Variants in DLC1 observed in about 807,000 individuals in gnomAD.
DLC1 encodes rho GTPase-activating protein 7.
Under a neutral mutation model 140.3 loss-of-function variants are expected in DLC1, and 54 were observed. The observed-to-expected ratio is 0.38, with a 90% CI of 0.31 to 0.48. The LOEUF is 0.48. Ranked by LOEUF, DLC1 falls within the 20% of genes least tolerant of loss-of-function variation. The probability of loss-of-function intolerance (pLI) is 0.96; values close to 1 mark genes in which losing one functional copy is unlikely to be tolerated. For synonymous variants in DLC1, 986 were observed against 728.1 expected (o/e 1.35, Z -5.70); for missense variants, 2,536 against 1,907.0 (o/e 1.33, Z -6.14).
At chr8:13,392,106 C>T (rs974250398) in intron 4 of DLC1, among the ~76,000 whole-genome samples, 2 of 152,168 alleles carry the variant, frequency 1.3e-5, no homozygotes, top group African/African-American at 4.8e-5. Flanking sequence ...CCTGTTGGCA[C>T]ACATTACTGT....
At chr8:13,410,565 A>G (rs1208298968) in intron 2 of DLC1, among the ~76,000 whole-genome samples, 1 of 152,170 alleles carries the variant, frequency 6.6e-6, no homozygotes, top group Non-Finnish European at 1.5e-5. Flanking sequence ...AAAATGGAAT[A>G]GGAGGAAAAA....
At chr8:13,317,860 C>A (rs58498775) in intron 4 of DLC1, among the ~76,000 whole-genome samples, 2,894 of 152,072 alleles carry the variant, frequency 0.019, 112 homozygotes, top group African/African-American at 0.065. Flanking sequence ...TCAAAGTGGC[C>A]AGTATTTTGT....
chr8:13,268,357 C>A (rs1000032530), intron 5 of DLC1, among the ~76,000 whole-genome samples: 2 of 152,128 alleles, frequency 1.3e-5, no homozygotes, highest in Non-Finnish European at 2.9e-5. Flanking sequence ...TACTGTTGTC[C>A]AGGTTGGAGT....
chr8:13,539,982 AG>A (rs1434111013), intron 1 of DLC1, among the ~76,000 whole-genome samples: 1 of 152,240 alleles, frequency 6.6e-6, no homozygotes, highest in Non-Finnish European at 1.5e-5. Context: ...ATTGACACAC[AG>A]GCATATTTTA....
At chr8:13,227,100 C>T (rs1368389379) in intron 5 of DLC1, among the ~76,000 whole-genome samples, 1 of 152,132 alleles carries the variant, frequency 6.6e-6, no homozygotes, top group Non-Finnish European at 1.5e-5. Context: ...CTTGCCCAGG[C>T]TGGTCTCGAG....
chr8:13,214,763 C>T (rs746964722), intron 5 of DLC1: 1 of 780,724 alleles, frequency 1.3e-6, no homozygotes, highest in Non-Finnish European at 2.4e-6. Flanking sequence ...TCCAACTTTA[C>T]TGATTTTACC....
At chr8:13,555,114 C>T (rs1045287880) in intron 1 of DLC1, among the ~76,000 whole-genome samples, 1 of 152,194 alleles carries the variant, frequency 6.6e-6, no homozygotes, top group Admixed American at 6.5e-5. Flanking sequence ...CCTTTACTTC[C>T]TTCACTCCTT....
chr8:13,196,152 A>G (rs1030686145), intron 5 of DLC1, among the ~76,000 whole-genome samples: 4 of 151,870 alleles, frequency 2.6e-5, no homozygotes, highest in Non-Finnish European at 4.4e-5. Context: ...AAATATCAAC[A>G]CATGAGAGTG....
intron 5 of DLC1, among the ~76,000 whole-genome samples, chr8:13,144,191 G>A (rs921213917): frequency 3.9e-5 from 6 of 152,212 alleles, no homozygotes; most frequent in African/African-American, 9.6e-5. Flanking sequence ...ACACAAGACA[G>A]AGGAAAGCAA....
intron 4 of DLC1, among the ~76,000 whole-genome samples, chr8:13,320,263 A>G (rs1406922913): frequency 1.3e-5 from 2 of 152,178 alleles, no homozygotes; most frequent in Non-Finnish European, 2.9e-5. Context: ...TCTTGCTAAT[A>G]TCCATTTGGG....
intron 5 of DLC1, among the ~76,000 whole-genome samples, chr8:13,260,751 A>T (rs1394953689): frequency 1.3e-5 from 2 of 152,172 alleles, no homozygotes; most frequent in Non-Finnish European, 2.9e-5. Flanking sequence ...AAAGAACATA[A>T]TTTAGAGATA....
chr8:13,251,997 T>C (rs1483248264), intron 5 of DLC1, among the ~76,000 whole-genome samples: 2 of 152,220 alleles, frequency 1.3e-5, no homozygotes, highest in African/African-American at 4.8e-5. Flanking sequence ...TTAGTGATAT[T>C]CTTTTAGACA....
chr8:13,155,893 A>G, intron 5 of DLC1, among the ~76,000 whole-genome samples: 1 of 152,336 alleles, frequency 6.6e-6, no homozygotes, highest in African/African-American at 2.4e-5. Flanking sequence ...TTTATTTTAT[A>G]AGAGTGAAAT....
At chr8:13,134,886 C>T (rs961737479) in intron 5 of DLC1, among the ~76,000 whole-genome samples, 4 of 152,162 alleles carry the variant, frequency 2.6e-5, no homozygotes, top group African/African-American at 7.2e-5. Flanking sequence ...GGGACTCCTC[C>T]GTTCAACAGA....
intron 5 of DLC1, among the ~76,000 whole-genome samples, chr8:13,245,499 C>A (rs1280871141): frequency 3.9e-5 from 6 of 152,040 alleles, no homozygotes; most frequent in African/African-American, 1.4e-4. Context: ...GCTCATTAAC[C>A]CTTTATTGGC....
intron 1 of DLC1, among the ~76,000 whole-genome samples, chr8:13,508,437 A>G (rs1327127455): frequency 1.1e-4 from 4 of 37,674 alleles, no homozygotes; most frequent in African/African-American, 2.5e-4. Context: ...TTTTTTTTTG[A>G]GACGGAGTCT....
intron 2 of DLC1, among the ~76,000 whole-genome samples, chr8:13,416,608 G>C (rs1043976769): frequency 1.3e-5 from 2 of 152,084 alleles, no homozygotes; most frequent in African/African-American, 4.8e-5. Context: ...AAATAAAACA[G>C]ACCAAAATAG....
intron 2 of DLC1, among the ~76,000 whole-genome samples, chr8:13,451,405 G>A (rs533619200): frequency 9.2e-5 from 14 of 152,030 alleles, no homozygotes; most frequent in Non-Finnish European, 2.1e-4. Flanking sequence ...ATTTTAAAAT[G>A]TACAATTAAA....
Position 13,224,682 on chromosome 8 carries a change from C to T in DLC1, c.1348+80587G>A, listed in dbSNP as rs184416784. Among the ~76,000 whole-genome samples the T allele has an allele frequency of 3.6e-3, 555 of 152,244 alleles. 2 individuals carry two copies. The highest frequency in any genetic ancestry group is 0.012 in the African/African-American group (519 of 41,540). On this transcript the variant is annotated intron_variant, in intron 5 of 17. Coordinates refer to ENST00000276297, the MANE Select transcript of DLC1 (RefSeq NM_182643.3). The stretch of plus-strand genomic sequence containing the variant: ...ACTTCCTTCCTTGAGGAGCTACTTC[C>T]TTCTAAACAATACTTCCCCTCTCCT...
Sources: gnomAD v4.1 joint callset for allele counts (sites outside exome capture counted in the v4.1 genomes callset) on GRCh38, gnomAD v4.1.1 for gene constraint, MANE v1.5 for transcripts, NCBI Gene and HGNC (gene_info 2026-07-23, HGNC 2026-07-21) for gene names.